The following EXOC2 variants were observed in gnomAD, a reference collection of about 807,000 sequenced individuals.
The protein encoded by EXOC2 is SEC5-like 1.
Under a neutral mutation model 131.8 loss-of-function variants are expected in EXOC2, and 70 were observed. The observed-to-expected ratio is 0.53, with a 90% CI of 0.44 to 0.65. The LOEUF is 0.65. Among genes scored for constraint, EXOC2 ranks in the 30% least tolerant of loss-of-function variants. The pLI is 0.00. For missense variants in EXOC2, 923 were observed against 1,108.6 expected (o/e 0.83, Z 2.38); for synonymous variants, 411 against 398.4 (o/e 1.03, Z -0.38).
At chr6:674,529 A>C (rs1255867591) in intron 1 of EXOC2, among the ~76,000 whole-genome samples, 1 of 152,182 alleles carries the variant, frequency 6.6e-6, no homozygotes, top group Non-Finnish European at 1.5e-5. Flanking sequence ...AAACACAATA[A>C]TTTCAAAAAT....
At chr6:534,445 G>A (rs948135337) in intron 22 of EXOC2, among the ~76,000 whole-genome samples, 3 of 151,866 alleles carry the variant, frequency 2.0e-5, no homozygotes, top group Non-Finnish European at 4.4e-5. Context: ...GAGAGAGAGA[G>A]AGAGAGAGAG....
chr6:647,267 A>C (rs1384900029), intron 1 of EXOC2, among the ~76,000 whole-genome samples: 1 of 152,122 alleles, frequency 6.6e-6, no homozygotes, highest in Middle Eastern at 3.2e-3. Flanking sequence ...TGTTTCCAGA[A>C]AAACAGTAGT....
At position 539,419 on chromosome 6, in the gene EXOC2, C is replaced by T. The variant is rs766093265; in HGVS notation, c.2239-6809G>A. Among the ~76,000 whole-genome samples the T allele has an allele frequency of 3.9e-5, 6 of 152,298 alleles. No homozygotes were observed. In the South Asian group the frequency reaches 8.3e-4, roughly 21 times the overall value. ...CCGGCACTGATGCCAGCCAGTGCTC[C>T]CAATAAGCCACCGCCCTGCCTTTCT... On this transcript the variant is annotated intron_variant, in intron 22 of 27. Coordinates refer to ENST00000230449, the MANE Select transcript of EXOC2 (RefSeq NM_018303.6).
chr6:499,401 A>AT (rs1321284236), intron 24 of EXOC2, among the ~76,000 whole-genome samples: 1 of 151,792 alleles, frequency 6.6e-6, no homozygotes, highest in African/African-American at 2.4e-5. Context: ...CAAAGAAAAC[A>AT]TACAATTTCA....
chr6:489,828 C>A (rs749895102), intron 26 of EXOC2, among the ~76,000 whole-genome samples: 1 of 152,006 alleles, frequency 6.6e-6, no homozygotes, highest in African/African-American at 2.4e-5. Context: ...CCAGGAAATA[C>A]GTTTTTGAGC....
intron 25 of EXOC2, among the ~76,000 whole-genome samples, chr6:496,179 A>G (rs945139764): frequency 1.3e-5 from 2 of 152,174 alleles, no homozygotes; most frequent in Admixed American, 1.3e-4. Flanking sequence ...TACCTGGGTC[A>G]TCTTAAGGGT....
chr6:512,878 T>C (rs1478841972), intron 23 of EXOC2, among the ~76,000 whole-genome samples: 1 of 152,144 alleles, frequency 6.6e-6, no homozygotes, highest in Non-Finnish European at 1.5e-5. Context: ...CATACAAGAA[T>C]GTATGTGAAA....
In EXOC2 at chr6:628,252, T is replaced by C. The variant is rs9502334; in HGVS notation, c.422+1583A>G. Among the ~76,000 whole-genome samples, 766 of 152,324 alleles carry C rather than the reference T, an allele frequency of 5.0e-3. 5 individuals are homozygous for C. Among genetic ancestry groups the C allele is most frequent in the African/African-American group, 0.018 (736 of 41,554 alleles). Reference sequence around the variant, plus strand: ...AGCCCAAGTTCAAATTGAGAGAGTTTTGCCCCACACAAAATCAAACTACCT... The same window carrying C: ...AGCCCAAGTTCAAATTGAGAGAGTTCTGCCCCACACAAAATCAAACTACCT... On this transcript the variant is annotated intron_variant, in intron 4 of 27. Coordinates refer to ENST00000230449, the MANE Select transcript of EXOC2 (RefSeq NM_018303.6).
In EXOC2 at chr6:673,252, C is replaced by CAAAAAAA. The variant is rs56189394; in HGVS notation, c.-44+19760_-44+19766dup. Among the ~76,000 whole-genome samples, 351 of 64,216 alleles carry CAAAAAAA rather than the reference C, an allele frequency of 5.5e-3. 3 individuals are homozygous for CAAAAAAA. The highest frequency in any genetic ancestry group is 7.5e-3 in the Non-Finnish European group (267 of 35,672). 42.1% of individuals were successfully genotyped at this position (64,216 alleles called of 152,430 possible). A position where few individuals can be genotyped will look rare whatever the true frequency, so the allele number is the denominator to read the frequency against. On this transcript the variant is annotated intron_variant, in intron 1 of 27. Transcript: ENST00000230449. ...GGTGACAAAAGTGAGACTCCATAGC[C>CAAAAAAA]AAAAAAAAAAAAAAAAAAAAAAAAA...
intron 23 of EXOC2, among the ~76,000 whole-genome samples, chr6:510,799 ATTTG>A (rs1764803487): frequency 1.3e-5 from 2 of 152,198 alleles, no homozygotes; most frequent in Non-Finnish European, 2.9e-5. Flanking sequence ...CAGACAAACC[ATTTG>A]TTTGAATTTA....
chr6:611,248 T>G (rs1393331803), intron 6 of EXOC2, among the ~76,000 whole-genome samples: 1 of 152,202 alleles, frequency 6.6e-6, no homozygotes, highest in African/African-American at 2.4e-5. Context: ...TGTGTGCAGA[T>G]CTGCTCTCCC....
At chr6:499,748 GCTCCC>G (rs764098764) in intron 23 of EXOC2, 48 bp from the exon 24 acceptor site, 1 of 1,502,580 alleles carries the variant, frequency 6.7e-7, no homozygotes, top group South Asian at 1.1e-5. Context: ...AATAACACAA[GCTCCC>G]CTCCCCTGCT....
chr6:532,541 G>C lies in EXOC2; in HGVS notation c.2308C>G (p.Pro770Ala). The C allele has an allele frequency of 6.2e-7, 1 of 1,609,222 alleles. No individual in the cohort carries two copies. Residue 770 changes from proline (P) to alanine (A), a missense_variant, in exon 23 of 28, where the codon CCC becomes GCC. Pro to Ala is a conservative substitution (Grantham distance 27, BLOSUM62 -1). Transcript: ENST00000230449. ...FENYIELKAD[P>A]IVGSLEPGIY... is the part of the protein sequence containing the mutation. The stretch of plus-strand genomic sequence containing the variant: ...CCAGGTTCTAAGGAGCCAACGATGG[G>C]ATCTGCTTTCAACTCGATGTAATTT...
At position 627,044 on chromosome 6, in the gene EXOC2, A is replaced by T. The variant is rs144997339; in HGVS notation, c.422+2791T>A. 4.9e-3 allele frequency among the ~76,000 whole-genome samples: 744 copies of T among 152,298 alleles called. 4 individuals carry two copies. In the Middle Eastern group the frequency reaches 0.051, roughly 10 times the overall value. On this transcript the variant is annotated intron_variant, in intron 4 of 27. Transcript: ENST00000230449. ...ACATTAATAAACAGAACTAAAAGAC[A>T]GTAGGGATCCTGACCTGAGTACAAT... is the stretch of plus-strand genomic sequence containing the variant.
At chr6:677,175 CCATACTCTTCA>C (rs1764182123) in intron 1 of EXOC2, among the ~76,000 whole-genome samples, 1 of 127,550 alleles carries the variant, frequency 7.8e-6, no homozygotes. Flanking sequence ...CTGCGGTTCC[CCATACTCTTCA>C]GCATTACGGA....
intron 2 of EXOC2, among the ~76,000 whole-genome samples, chr6:633,723 C>T (rs1272545087): frequency 6.6e-6 from 1 of 152,220 alleles, no homozygotes; most frequent in Non-Finnish European, 1.5e-5. Flanking sequence ...CAGCTGCTGG[C>T]ATAGTAGTTC....
At chr6:562,740 A>C in intron 17 of EXOC2, 44 bp downstream of exon 17, 2 of 1,340,326 alleles carry the variant, frequency 1.5e-6, no homozygotes, top group Non-Finnish European at 2.1e-6. Flanking sequence ...TATTTATTTT[A>C]AATACACACT....
At chr6:664,882 A>T (rs1439241685) in intron 1 of EXOC2, among the ~76,000 whole-genome samples, 1 of 152,268 alleles carries the variant, frequency 6.6e-6, no homozygotes, top group African/African-American at 2.4e-5. Context: ...GGCTTAGGCA[A>T]GGATTTCATG....
chr6:572,738 A>C, intron 12 of EXOC2, 94 bp from the exon 13 acceptor site: 4 of 1,440,548 alleles, frequency 2.8e-6, no homozygotes, highest in Admixed American at 2.1e-5. Flanking sequence ...CTCCCGCAAA[A>C]CTCCAACATG....
Sources: gnomAD v4.1 joint callset for allele counts (sites outside exome capture counted in the v4.1 genomes callset) on GRCh38, gnomAD v4.1.1 for gene constraint, MANE v1.5 for transcripts, NCBI Gene and HGNC (gene_info 2026-07-23, HGNC 2026-07-21) for gene names.